Variants in TENM3 observed in about 807,000 individuals in gnomAD.
TENM3 encodes teneurin transmembrane protein 3.
TENM3 carries 63 observed loss-of-function variants against 255.1 expected under a neutral mutation model. That is an observed-to-expected ratio of 0.25 (90% confidence interval 0.20 to 0.30). The LOEUF (loss-of-function observed/expected upper bound fraction) is 0.30. Ranked by LOEUF, TENM3 falls within the 10% of genes least tolerant of loss-of-function variation. The pLI is 1.00. For synonymous variants in TENM3, 1,306 were observed against 1,322.3 expected (o/e 0.99, Z 0.27); for missense variants, 2,929 against 3,461.1 (o/e 0.85, Z 3.86).
At chr4:182,442,487 A>T (rs1263136727) in intron 3 of TENM3, among the ~76,000 whole-genome samples, 2 of 152,228 alleles carry the variant, frequency 1.3e-5, no homozygotes, top group Non-Finnish European at 2.9e-5. Context: ...CTAGTCACCA[A>T]TGAATAATTC....
intron 19 of TENM3, among the ~76,000 whole-genome samples, chr4:182,744,556 G>T (rs971339815): frequency 2.0e-5 from 3 of 152,258 alleles, no homozygotes; most frequent in Admixed American, 6.5e-5. Flanking sequence ...ACCCCTGACA[G>T]GTTGGGTTTT....
chr4:182,295,664 A>T (rs919119418), intron 1 of TENM3, among the ~76,000 whole-genome samples: 1 of 152,212 alleles, frequency 6.6e-6, no homozygotes, highest in African/African-American at 2.4e-5. Context: ...CAGAGCTGAG[A>T]TGCAAGAGCA....
At chr4:182,463,019 C>T (rs1023390415) in intron 3 of TENM3, among the ~76,000 whole-genome samples, 6 of 152,182 alleles carry the variant, frequency 3.9e-5, no homozygotes, top group Admixed American at 2.0e-4. Flanking sequence ...TCATCCTACA[C>T]AACCCACATC....
chr4:181,830,872 T>A, the TENM3 span, among the ~76,000 whole-genome samples: 1 of 152,176 alleles, frequency 6.6e-6, no homozygotes, highest in Admixed American at 6.5e-5. Flanking sequence ...CTACGCTGAC[T>A]GAAGTTTTTA....
chr4:182,663,281 T>G (rs1464289518), intron 6 of TENM3, among the ~76,000 whole-genome samples: 1 of 152,190 alleles, frequency 6.6e-6, no homozygotes, highest in Non-Finnish European at 1.5e-5. Flanking sequence ...TTCAACAAAA[T>G]AGCTATACAA....
chr4:182,287,687 C>T (rs936344396), intron 1 of TENM3, among the ~76,000 whole-genome samples: 3 of 151,948 alleles, frequency 2.0e-5, no homozygotes, highest in Non-Finnish European at 4.4e-5. Flanking sequence ...GATCTCGGCT[C>T]ATTGCAAGCT....
intron 3 of TENM3, among the ~76,000 whole-genome samples, chr4:182,482,132 C>G (rs1164149698): frequency 6.6e-6 from 1 of 152,092 alleles, no homozygotes; most frequent in Admixed American, 6.6e-5. Flanking sequence ...AATATTGTAT[C>G]TATAACTTAT....
At chr4:181,795,158 G>T in the TENM3 span, among the ~76,000 whole-genome samples, 1 of 152,222 alleles carries the variant, frequency 6.6e-6, no homozygotes, top group African/African-American at 2.4e-5. Context: ...GATGTCTTTT[G>T]TCTTGGTCAG....
intron 3 of TENM3, among the ~76,000 whole-genome samples, chr4:182,460,445 G>A (rs1774246541): frequency 6.6e-6 from 1 of 152,036 alleles, no homozygotes; most frequent in Non-Finnish European, 1.5e-5. Flanking sequence ...AAACATTTGG[G>A]GTGGCAAGCT....
chr4:182,004,048 A>G, the TENM3 span, among the ~76,000 whole-genome samples: 1 of 152,128 alleles, frequency 6.6e-6, no homozygotes, highest in Non-Finnish European at 1.5e-5. Flanking sequence ...ATGTGTAACC[A>G]TATTGTAGTT....
chr4:182,321,486 C>T lies in TENM3; in HGVS notation c.-75-2460C>T, dbSNP rs535383087. Among the ~76,000 whole-genome samples the T allele has an allele frequency of 2.1e-4, 32 of 151,984 alleles. No homozygotes were observed. In the South Asian group the frequency reaches 4.2e-3, roughly 20 times the overall value. On this transcript the variant is annotated intron_variant, in intron 1 of 27. Coordinates refer to ENST00000511685, the MANE Select transcript of TENM3 (RefSeq NM_001080477.4). ...ACTAAAAATACAAAAATTAGCTGAG[C>T]GTGGTGGTGGGTACCTGTAAGTCCA...
the TENM3 span, among the ~76,000 whole-genome samples, chr4:181,782,793 T>A: frequency 6.6e-6 from 1 of 152,354 alleles, no homozygotes; most frequent in South Asian, 2.1e-4. Context: ...CTGCTTTAAA[T>A]GTGTCTCAGA....
At chr4:182,420,874 G>C (rs1227405836) in intron 3 of TENM3, among the ~76,000 whole-genome samples, 1 of 151,892 alleles carries the variant, frequency 6.6e-6, no homozygotes, top group East Asian at 1.9e-4. Context: ...GGAAAGATGA[G>C]GAGTTTTCTT....
At chr4:181,456,113 G>C in the TENM3 span, among the ~76,000 whole-genome samples, 1 of 79,522 alleles carries the variant, frequency 1.3e-5, no homozygotes, top group African/African-American at 4.4e-5. Flanking sequence ...GTGTGTGTGT[G>C]TATATATATA....
chr4:182,771,498 T>TGGG (rs35700441), intron 22 of TENM3, among the ~76,000 whole-genome samples: 13 of 140,202 alleles, frequency 9.3e-5, no homozygotes, highest in African/African-American at 2.9e-4. Context: ...GTCTCTGAAA[T>TGGG]GGGGGGGGGG....
chr4:182,704,031 T>C (rs1452020394), intron 12 of TENM3, among the ~76,000 whole-genome samples: 1 of 152,238 alleles, frequency 6.6e-6, no homozygotes, highest in Non-Finnish European at 1.5e-5. Flanking sequence ...TATTATAGTT[T>C]TTTTTAATTA....
chr4:181,693,878 G>T, the TENM3 span, among the ~76,000 whole-genome samples: 1 of 152,128 alleles, frequency 6.6e-6, no homozygotes, highest in Non-Finnish European at 1.5e-5. Context: ...ATAAACCTAC[G>T]TGGACCTAGT....
chr4:182,240,920 A>AT (rs992416792), upstream of TENM3, among the ~76,000 whole-genome samples: 1 of 152,074 alleles, frequency 6.6e-6, no homozygotes, highest in Non-Finnish European at 1.5e-5. Flanking sequence ...GCAGGATGGC[A>AT]TTTTCACTGC....
At chr4:181,564,020 T>G in the TENM3 span, among the ~76,000 whole-genome samples, 1 of 136,314 alleles carries the variant, frequency 7.3e-6, no homozygotes, top group Non-Finnish European at 1.5e-5. Flanking sequence ...TTTCTTTTCT[T>G]TTCTTTTCTT....
Sources: allele counts gnomAD v4.1 joint callset (sites outside exome capture counted in the v4.1 genomes callset), GRCh38; gene constraint gnomAD v4.1.1; transcripts MANE v1.5; gene names NCBI Gene and HGNC (gene_info 2026-07-23, HGNC 2026-07-21).